LAMA1: variants seen among roughly 807,000 people sequenced by gnomAD.
LAMA1 encodes the protein laminin subunit alpha 1.
LAMA1 carries 219 observed loss-of-function variants against 348.7 expected under a neutral mutation model. That is an observed-to-expected ratio of 0.63 (90% CI 0.56 to 0.70). LAMA1 has a LOEUF of 0.70. Ranked by LOEUF, LAMA1 falls within the 30% of genes least tolerant of loss-of-function variation. LAMA1 has a pLI of 0.00. For synonymous variants in LAMA1, 1,487 were observed against 1,491.0 expected (o/e 1.00, Z 0.06); for missense variants, 3,744 against 3,888.0 (o/e 0.96, Z 0.99).
intron 15 of LAMA1, among the ~76,000 whole-genome samples, 155 bp downstream of exon 15, chr18:7,032,829 G>A (rs561633611): frequency 1.1e-4 from 16 of 152,280 alleles, no homozygotes; most frequent in Non-Finnish European, 2.1e-4. Flanking sequence ...TTTAAACAAT[G>A]TGACTTCTAA....
rs928288417 is a variant in LAMA1 at position 7,079,998 on chromosome 18, T to C, written c.322A>G (p.Thr108Ala). Residue 108 changes from threonine to alanine, a missense_variant, in exon 3 of 63, where the codon ACA becomes GCA. Thr to Ala is a moderately conservative substitution (Grantham distance 58). Transcript: ENST00000389658. ...IQNGREYHWV[T>A]ITLDLRQVFQ... ...ACCTGTCTTAAGTCCAGAGTGATTGTGACCCAGTGATATTCTCTCCCATTC... is the reference window on the plus strand; with the variant it reads ...ACCTGTCTTAAGTCCAGAGTGATTGCGACCCAGTGATATTCTCTCCCATTC... 1 of 1,614,000 alleles carries C rather than the reference T, an allele frequency of 6.2e-7. No homozygotes were observed. The highest frequency in any genetic ancestry group is 8.5e-7 in the Non-Finnish European group (1 of 1,179,820).
At chr18:7,070,485 A>C (rs1414857319) in intron 3 of LAMA1, among the ~76,000 whole-genome samples, 3 of 152,176 alleles carry the variant, frequency 2.0e-5, no homozygotes, top group Non-Finnish European at 4.4e-5. Flanking sequence ...TGCTTAATAA[A>C]TACTTTATAT....
chr18:7,084,076 A>G (rs991512983), intron 1 of LAMA1, among the ~76,000 whole-genome samples: 8 of 109,202 alleles, frequency 7.3e-5, no homozygotes, highest in African/African-American at 4.7e-4. Flanking sequence ...CTGTCTCAGA[A>G]AAAAAAAAAA....
At chr18:7,037,494 C>T in intron 12 of LAMA1, 84 bp downstream of exon 12, 1 of 1,517,924 alleles carries the variant, frequency 6.6e-7, no homozygotes, top group Non-Finnish European at 9.1e-7. Flanking sequence ...ATGAGACTAC[C>T]TAAAATGCAG....
intron 16 of LAMA1, among the ~76,000 whole-genome samples, chr18:7,026,618 A>T (rs2057944618): frequency 6.6e-6 from 1 of 152,226 alleles, no homozygotes; most frequent in Non-Finnish European, 1.5e-5. Flanking sequence ...TGAGAGACTC[A>T]TCCTTGACAA....
chr18:7,064,331 G>A (rs956681797), intron 3 of LAMA1, among the ~76,000 whole-genome samples: 1 of 152,158 alleles, frequency 6.6e-6, no homozygotes, highest in Non-Finnish European at 1.5e-5. Context: ...CCTTGTGAAA[G>A]ACTGAGCTGT....
At position 6,948,547 on chromosome 18, in the gene LAMA1, T is replaced by C. The variant is rs775429549; in HGVS notation, c.8566A>G (p.Ser2856Gly). Reference sequence around the variant, plus strand: ...ACATCCCCAATGCAGGCAGGGATGCTGTGGGTGATCTAAGCCAAATGACAT... The same window carrying C: ...ACATCCCCAATGCAGGCAGGGATGCCGTGGGTGATCTAAGCCAAATGACAT... ...QARKIGNITH[S>G]IPACIGDVTV... Residue 2856 changes from serine to glycine, a missense_variant, in exon 60 of 63, where the codon AGC (serine) becomes GGC (glycine). Around this residue, in one of 3 missense-constraint regions of LAMA1, gnomAD observed 1,983 missense variants for 1,934.3 expected, o/e 1.03. Transcript: ENST00000389658. The C allele has an allele frequency of 1.2e-6, 2 of 1,614,088 alleles. No individual in the cohort carries two copies. The highest frequency in any genetic ancestry group is 1.7e-6 in the Non-Finnish European group (2 of 1,180,050).
At chr18:7,095,710 C>A (rs1006889387) in intron 1 of LAMA1, among the ~76,000 whole-genome samples, 5 of 152,246 alleles carry the variant, frequency 3.3e-5, no homozygotes, top group African/African-American at 1.2e-4. Context: ...CTGACAATTA[C>A]TCAAACTGGA....
At chr18:7,000,661 C>A (rs561518679) in intron 30 of LAMA1, among the ~76,000 whole-genome samples, 1 of 152,192 alleles carries the variant, frequency 6.6e-6, no homozygotes, top group Non-Finnish European at 1.5e-5. Context: ...TCTGCCTTCA[C>A]GTTTTAAATT....
chr18:7,015,142 C>T (rs1225550073), intron 22 of LAMA1, among the ~76,000 whole-genome samples: 3 of 152,208 alleles, frequency 2.0e-5, no homozygotes, highest in African/African-American at 4.8e-5. Flanking sequence ...GCCACCGCAC[C>T]CAGCCATTTT....
intron 1 of LAMA1, among the ~76,000 whole-genome samples, chr18:7,106,526 A>AT (rs1311086515): frequency 6.6e-6 from 1 of 151,804 alleles, no homozygotes; most frequent in Non-Finnish European, 1.5e-5. Flanking sequence ...CTCCCAGCTA[A>AT]TTTTTGTATT....
intron 33 of LAMA1, among the ~76,000 whole-genome samples, chr18:6,996,181 G>A (rs1387363457): frequency 6.6e-6 from 1 of 152,004 alleles, no homozygotes; most frequent in Non-Finnish European, 1.5e-5. Flanking sequence ...ACTTTGTGAC[G>A]TTTGAGGAAA....
At chr18:7,033,455 CAAA>C (rs10686154) in intron 14 of LAMA1, among the ~76,000 whole-genome samples, 1 of 109,888 alleles carries the variant, frequency 9.1e-6, no homozygotes, top group African/African-American at 3.4e-5. Context: ...GACTCTGTCT[CAAA>C]AAAAAAAAAA....
At chr18:7,017,071 G>C (rs567113223) in intron 20 of LAMA1, among the ~76,000 whole-genome samples, 1 of 152,270 alleles carries the variant, frequency 6.6e-6, no homozygotes, top group African/African-American at 2.4e-5. Context: ...CTTCCACCAT[G>C]ATTGTAAGTT....
intron 1 of LAMA1, among the ~76,000 whole-genome samples, chr18:7,085,574 A>G (rs1016712631): frequency 1.7e-4 from 25 of 151,376 alleles, no homozygotes; most frequent in Non-Finnish European, 2.7e-4. Flanking sequence ...ACCCGCCACC[A>G]AGCCCGGCTA....
intron 3 of LAMA1, among the ~76,000 whole-genome samples, chr18:7,063,326 TAA>T (rs1201947194): frequency 6.6e-6 from 1 of 152,214 alleles, no homozygotes; most frequent in African/African-American, 2.4e-5. Flanking sequence ...GCTTATTTTT[TAA>T]AAGAGAATAT....
At chr18:6,966,332 T>G (rs759622536) in intron 48 of LAMA1, 35 bp from the exon 49 acceptor site, 1 of 1,601,256 alleles carries the variant, frequency 6.2e-7, no homozygotes, top group Non-Finnish European at 8.5e-7. Context: ...GAATCCATTC[T>G]CAGGAGGGTA....
At chr18:6,978,745 T>C (rs1197542642) in intron 42 of LAMA1, among the ~76,000 whole-genome samples, 1 of 152,212 alleles carries the variant, frequency 6.6e-6, no homozygotes, top group Non-Finnish European at 1.5e-5. Flanking sequence ...CTGAACTTCT[T>C]TATTTGGGTC....
intron 56 of LAMA1, chr18:6,956,322 T>C (rs561249874): frequency 3.4e-5 from 16 of 473,652 alleles, no homozygotes; most frequent in African/African-American, 2.9e-4. Flanking sequence ...AGTACTTATT[T>C]TCATGCTTTC....
Sources: gnomAD v4.1 joint callset for allele counts (sites outside exome capture counted in the v4.1 genomes callset) on GRCh38, gnomAD v4.1.1 for gene constraint, gnomAD v4.1.1 regional missense constraint, MANE v1.5 for transcripts, NCBI Gene and HGNC (gene_info 2026-07-23, HGNC 2026-07-21) for gene names.